The following SH3GL3 variants were observed in gnomAD, a reference collection of about 807,000 sequenced individuals.
SH3GL3 encodes SH3 domain containing GRB2 like 3, endophilin A3.
Under a neutral mutation model 47.7 loss-of-function variants are expected in SH3GL3, and 33 were observed. The ratio of observed to expected loss-of-function variants is 0.69; its 90% CI spans 0.52 to 0.92. The LOEUF is 0.92. Ranked by LOEUF, SH3GL3 falls within the 40% of genes least tolerant of loss-of-function variation. The probability of loss-of-function intolerance (pLI) is 0.00; values close to 1 mark genes in which losing one functional copy is unlikely to be tolerated. For synonymous variants in SH3GL3, 155 were observed against 148.8 expected, an observed-to-expected ratio of 1.04 and a Z score of -0.30; for missense variants, 363 against 417.8, an observed-to-expected ratio of 0.87 and a Z score of 1.14.
At chr15:83,552,958 T>C (rs1462672899) in intron 1 of SH3GL3, among the ~76,000 whole-genome samples, 1 of 152,216 alleles carries the variant, frequency 6.6e-6, no homozygotes, top group East Asian at 1.9e-4. Flanking sequence ...TTCCTATTAA[T>C]GCTTTGCCTT....
chr15:83,616,564 C>G (rs1426938321), intron 8 of SH3GL3, among the ~76,000 whole-genome samples: 2 of 151,972 alleles, frequency 1.3e-5, no homozygotes, highest in African/African-American at 4.8e-5. Context: ...TTTGCACCAA[C>G]CTAATAGAAA....
At chr15:83,560,057 A>T (rs994122866) in intron 2 of SH3GL3, among the ~76,000 whole-genome samples, 1 of 152,198 alleles carries the variant, frequency 6.6e-6, no homozygotes, top group Non-Finnish European at 1.5e-5. Flanking sequence ...TATTAACAAC[A>T]TACTGTTTCT....
intron 1 of SH3GL3, among the ~76,000 whole-genome samples, chr15:83,476,295 T>A (rs2041093355): frequency 6.6e-6 from 1 of 152,202 alleles, no homozygotes. Context: ...CAGTACAGTA[T>A]TTGTTACCAT....
intron 3 of SH3GL3, among the ~76,000 whole-genome samples, chr15:83,567,957 CTT>C (rs397705514): frequency 1.3e-4 from 18 of 140,644 alleles, no homozygotes; most frequent in African/African-American, 4.7e-4. Context: ...CCCATCATTT[CTT>C]TTTTTTTTTC....
chr15:83,595,776 G>A (rs950235200), intron 8 of SH3GL3, among the ~76,000 whole-genome samples: 1 of 151,992 alleles, frequency 6.6e-6, no homozygotes, highest in African/African-American at 2.4e-5. Context: ...CAAATTTATT[G>A]CATAAAGTTG....
chr15:83,589,975 C>G (rs548251188), intron 8 of SH3GL3, among the ~76,000 whole-genome samples: 1 of 152,172 alleles, frequency 6.6e-6, no homozygotes, highest in African/African-American at 2.4e-5. Context: ...GCCAAGCACT[C>G]ATGAGAAAAA....
intron 6 of SH3GL3, among the ~76,000 whole-genome samples, chr15:83,578,470 G>A (rs1019554941): frequency 6.6e-6 from 1 of 152,166 alleles, no homozygotes; most frequent in African/African-American, 2.4e-5. Flanking sequence ...CATCCTTTGA[G>A]TCAAGTCAAA....
At chr15:83,628,874 T>A in the SH3GL3 span, among the ~76,000 whole-genome samples, 10 of 152,214 alleles carry the variant, frequency 6.6e-5, no homozygotes, top group East Asian at 1.9e-3. Context: ...ATAGAACTTA[T>A]AAGCAAATTT....
At chr15:83,525,801 G>A (rs1376034398) in intron 1 of SH3GL3, among the ~76,000 whole-genome samples, 2 of 152,012 alleles carry the variant, frequency 1.3e-5, no homozygotes, top group Admixed American at 6.6e-5. Flanking sequence ...TGTATGTTCT[G>A]GGCATCTCTG....
chr15:83,486,310 G>A (rs552734920), intron 1 of SH3GL3, among the ~76,000 whole-genome samples: 11 of 152,268 alleles, frequency 7.2e-5, no homozygotes, highest in African/African-American at 2.4e-4. Context: ...AGTAGTCACA[G>A]TGTTGTACAA....
intron 4 of SH3GL3, among the ~76,000 whole-genome samples, chr15:83,570,466 A>G (rs2045762490): frequency 1.3e-5 from 2 of 152,222 alleles, no homozygotes; most frequent in Admixed American, 1.3e-4. Flanking sequence ...GTTCACAGAC[A>G]CACTTACTGG....
chr15:83,525,921 A>T (rs999649091), intron 1 of SH3GL3, among the ~76,000 whole-genome samples: 1 of 152,078 alleles, frequency 6.6e-6, no homozygotes, highest in Non-Finnish European at 1.5e-5. Context: ...TTTGATTACT[A>T]TAGTTCTGTA....
At chr15:83,609,730 GT>G (rs2060615116) in intron 8 of SH3GL3, among the ~76,000 whole-genome samples, 1 of 152,080 alleles carries the variant, frequency 6.6e-6, no homozygotes, top group Non-Finnish European at 1.5e-5. Context: ...AGAGCTGTGA[GT>G]TTTAGTGCAA....
intron 1 of SH3GL3, among the ~76,000 whole-genome samples, chr15:83,497,031 C>T (rs768337696): frequency 6.6e-6 from 1 of 152,172 alleles, no homozygotes; most frequent in Non-Finnish European, 1.5e-5. Flanking sequence ...CTGCCAACCT[C>T]AGGCCCTGGA....
intron 4 of SH3GL3, 135 bp downstream of exon 4, chr15:83,568,807 G>A (rs1596279788): frequency 1.7e-6 from 1 of 598,386 alleles, no homozygotes; most frequent in African/African-American, 1.8e-5. Context: ...ATTGCAGGAG[G>A]TTTAGAAAAC....
At position 83,566,381 on chromosome 15, in the gene SH3GL3, T is replaced by A. The variant is rs1424107444; in HGVS notation, c.187+1175T>A. Among the ~76,000 whole-genome samples the A allele has an allele frequency of 4.6e-4, 68 of 148,898 alleles. 1 individual carries two copies. The highest frequency in any genetic ancestry group is 1.4e-3 in the African/African-American group (56 of 41,156). On this transcript the variant is annotated intron_variant, in intron 3 of 8. Coordinates refer to ENST00000427482, the MANE Select transcript of SH3GL3 (RefSeq NM_003027.5). ...GAGAGAGAGAGTGTGTGTGTGTGTG[T>A]GTGTGTGTGTGTGTGTGTGTGTGTG...
intron 6 of SH3GL3, among the ~76,000 whole-genome samples, chr15:83,579,240 G>A (rs1213839318): frequency 6.6e-6 from 1 of 152,218 alleles, no homozygotes; most frequent in African/African-American, 2.4e-5. Context: ...AGCTCCGCAG[G>A]GGCTCTGGTG....
chr15:83,550,445 C>T (rs2044604866), intron 1 of SH3GL3, among the ~76,000 whole-genome samples: 1 of 152,090 alleles, frequency 6.6e-6, no homozygotes, highest in African/African-American at 2.4e-5. Flanking sequence ...GGCTGGAGTG[C>T]AGTGGTGTGA....
At chr15:83,600,731 A>T (rs2060358248) in intron 8 of SH3GL3, among the ~76,000 whole-genome samples, 1 of 151,944 alleles carries the variant, frequency 6.6e-6, no homozygotes, top group African/African-American at 2.4e-5. Context: ...GTGAAGAATG[A>T]TGGTGGTATT....
Sources: allele counts gnomAD v4.1 joint callset (sites outside exome capture counted in the v4.1 genomes callset), GRCh38; gene constraint gnomAD v4.1.1; transcripts MANE v1.5; gene names NCBI Gene and HGNC (gene_info 2026-07-23, HGNC 2026-07-21).